The following ARSG variants were observed in gnomAD, a reference collection of about 807,000 sequenced individuals.
The protein encoded by ARSG is ASG.
A neutral mutation model predicts 50.5 loss-of-function variants in ARSG; 37 were observed. The ratio of observed to expected loss-of-function variants is 0.73; its 90% CI spans 0.56 to 0.96. The LOEUF (loss-of-function observed/expected upper bound fraction) is 0.96. Ranked by LOEUF, ARSG falls within the 50% of genes least tolerant of loss-of-function variation. ARSG has a pLI of 0.00. For synonymous variants in ARSG, 225 were observed against 254.6 expected (o/e 0.88, Z 1.11); for missense variants, 629 against 675.3 (o/e 0.93, Z 0.76).
intron 2 of ARSG, among the ~76,000 whole-genome samples, chr17:68,333,806 C>T (rs1201711834): frequency 1.3e-5 from 2 of 151,974 alleles, no homozygotes; most frequent in Non-Finnish European, 2.9e-5. Flanking sequence ...AAGTTGTGAG[C>T]AATAGCTAGA....
At chr17:68,389,145 G>T (rs1258798163) in intron 9 of ARSG, among the ~76,000 whole-genome samples, 2 of 152,136 alleles carry the variant, frequency 1.3e-5, no homozygotes, top group Non-Finnish European at 2.9e-5. Context: ...TACAGGCAGG[G>T]CCTAACCACA....
Position 68,356,841 on chromosome 17 carries a change from G to A in ARSG, c.704+37G>A, listed in dbSNP as rs544535136. On this transcript the variant is annotated intron_variant, in intron 6 of 11. Coordinates refer to ENST00000621439, the MANE Select transcript of ARSG (RefSeq NM_001267727.2). Reference sequence around the variant, plus strand: ...CCCTCCCTCCGCAGGGCCTCCCCCTGCCTCCACCTACCCGTGCACACACAC... The same window carrying A: ...CCCTCCCTCCGCAGGGCCTCCCCCTACCTCCACCTACCCGTGCACACACAC... 7 of 1,613,140 alleles carry A rather than the reference G, an allele frequency of 4.3e-6. No homozygotes were observed. The South Asian group carries it at 7.7e-5, about 18-fold the overall frequency.
At chr17:68,426,253 G>GGGGGGGGGGGGGGGGGT, downstream of ARSG, 2 of 841,018 alleles carry the variant, frequency 2.4e-6, no homozygotes, top group Non-Finnish European at 3.8e-6. Flanking sequence ...GGGGAGCGGG[G>GGGGGGGGGGGGGGGGGT]GCTCAAATAA....
downstream of ARSG, chr17:68,427,445 C>T (rs931496958): frequency 4.8e-6 from 2 of 413,210 alleles, no homozygotes; most frequent in East Asian, 4.9e-5. Context: ...CAACCTCCGC[C>T]TCCTGGGTTC....
At chr17:68,351,169 A>C (rs1194360738) in intron 4 of ARSG, among the ~76,000 whole-genome samples, 1 of 152,036 alleles carries the variant, frequency 6.6e-6, no homozygotes, top group African/African-American at 2.4e-5. Context: ...TCTTTCTAAA[A>C]AATTTTTTAT....
At chr17:68,311,383 TG>T (rs1555766651) in intron 2 of ARSG, among the ~76,000 whole-genome samples, 2 of 152,178 alleles carry the variant, frequency 1.3e-5, no homozygotes, top group Non-Finnish European at 2.9e-5. Context: ...TGATGGTCCT[TG>T]CTGCTTTCTG....
intron 1 of ARSG, among the ~76,000 whole-genome samples, chr17:68,284,924 C>T (rs2075807114): frequency 6.6e-6 from 1 of 152,070 alleles, no homozygotes; most frequent in Admixed American, 6.6e-5. Context: ...TTTGTACAAC[C>T]CCATGTCCCC....
At chr17:68,307,941 C>T (rs1439191707) in intron 2 of ARSG, among the ~76,000 whole-genome samples, 1 of 151,996 alleles carries the variant, frequency 6.6e-6, no homozygotes, top group Non-Finnish European at 1.5e-5. Flanking sequence ...GCTAGGAATA[C>T]AGAGGTGAAC....
At position 68,370,453 on chromosome 17, in the gene ARSG, G is replaced by GC. The variant is rs1157259307; in HGVS notation, c.914dup (p.Trp306ValfsTer6). ...TTTTTCTGGTTTCTAGGAGACAATG[G>GC]CCCGTGGGCTCAGAAGTGTGAGCTA... is the stretch of plus-strand genomic sequence containing the variant. On this transcript the variant is annotated frameshift_variant, in exon 8 of 12. Transcript: ENST00000621439. LOFTEE classifies it high-confidence loss of function. 3 of 1,614,068 alleles carry GC rather than the reference G, an allele frequency of 1.9e-6. No individual in the cohort carries two copies. Among genetic ancestry groups the GC allele is most frequent in the Non-Finnish European group, 2.5e-6 (3 of 1,179,968 alleles).
At chr17:68,364,512 A>G (rs2079448871) in intron 6 of ARSG, among the ~76,000 whole-genome samples, 1 of 152,056 alleles carries the variant, frequency 6.6e-6, no homozygotes, top group Non-Finnish European at 1.5e-5. Flanking sequence ...GGCACGCGTC[A>G]CCATGCCTGG....
chr17:68,294,133 T>G (rs2076122165), intron 1 of ARSG, among the ~76,000 whole-genome samples: 1 of 152,102 alleles, frequency 6.6e-6, no homozygotes, highest in Non-Finnish European at 1.5e-5. Flanking sequence ...TCTTAGCCTC[T>G]CCTGTTGTGT....
At chr17:68,444,624 G>T in the ARSG span, 10 of 1,569,706 alleles carry the variant, frequency 6.4e-6, no homozygotes, top group African/African-American at 1.2e-4. Flanking sequence ...CTACCGAACC[G>T]TTCCTTACAA....
Position 68,321,036 on chromosome 17 carries a change from G to A in ARSG, c.218+13325G>A, listed in dbSNP as rs1163665518. Among the ~76,000 whole-genome samples the A allele has an allele frequency of 2.6e-5, 4 of 152,214 alleles. No homozygotes were observed. In the East Asian group the frequency reaches 5.8e-4, roughly 22 times the overall value. ...AGAACAAGAGGCTGGATGTGGTGAC[G>A]TGCGGTGGCTACTTAGGAGGCCACC... is the stretch of plus-strand genomic sequence containing the variant. On this transcript the variant is annotated intron_variant, in intron 2 of 11. Coordinates refer to ENST00000621439, the MANE Select transcript of ARSG (RefSeq NM_001267727.2).
intron 2 of ARSG, among the ~76,000 whole-genome samples, chr17:68,327,815 G>A (rs1555772994): frequency 6.6e-6 from 1 of 152,148 alleles, no homozygotes. Context: ...TGGTGGCTGA[G>A]ACTTGGGGCT....
chr17:68,412,012 G>T lies in ARSG; in HGVS notation c.1304-8177G>T, dbSNP rs1319243467. ...ATCCTTTTATTTTGAGCCTATGTGT[G>T]TCTCTGCAGGTGAGATAGGTTTCCT... On this transcript the variant is annotated intron_variant, in intron 11 of 11. Transcript: ENST00000621439. 2.0e-4 allele frequency among the ~76,000 whole-genome samples: 30 copies of T among 152,110 alleles called. 1 individual carries two copies. Among genetic ancestry groups the T allele is most frequent in the Non-Finnish European group, 1.9e-4 (13 of 68,028 alleles).
rs914658206 is a variant in ARSG, at chr17:68,378,289, G to C, written c.983-6775G>C. ...CGGAGTAGGACAAACAGTACCCGGAGTCGTGCAACTTTCTCCCTGAAGCCA... is the reference window on the plus strand; with the variant it reads ...CGGAGTAGGACAAACAGTACCCGGACTCGTGCAACTTTCTCCCTGAAGCCA... On this transcript the variant is annotated intron_variant, in intron 8 of 11. Transcript: ENST00000621439. This position sits in a 1 kb window ranked among gnomAD's most constrained non-coding sequence, Gnocchi z 4.4. 2.6e-5 allele frequency among the ~76,000 whole-genome samples: 4 copies of C among 152,246 alleles called. No homozygotes were observed. Among genetic ancestry groups the C allele is most frequent in the Non-Finnish European group, 5.9e-5 (4 of 68,042 alleles).
chr17:68,353,119 C>T (rs2078876979), intron 5 of ARSG, among the ~76,000 whole-genome samples: 1 of 151,950 alleles, frequency 6.6e-6, no homozygotes, highest in Non-Finnish European at 1.5e-5. Flanking sequence ...ATCCACGTGA[C>T]CACTGTGTGA....
chr17:68,287,945 C>T (rs1737188834), upstream of ARSG, among the ~76,000 whole-genome samples: 1 of 148,524 alleles, frequency 6.7e-6, no homozygotes, highest in Non-Finnish European at 1.5e-5. Context: ...CTTCTCTTCT[C>T]TCTCTCTTTC....
chr17:68,433,345 T>G, the ARSG span: 1 of 926,668 alleles, frequency 1.1e-6, no homozygotes, highest in Non-Finnish European at 1.7e-6. Flanking sequence ...ATCACTTAGG[T>G]GAAGTCCCAA....
Sources: allele counts gnomAD v4.1 joint callset (sites outside exome capture counted in the v4.1 genomes callset), GRCh38; gene constraint gnomAD v4.1.1; non-coding constraint Gnocchi (gnomAD v3.1); transcripts MANE v1.5; gene names NCBI Gene and HGNC (gene_info 2026-07-23, HGNC 2026-07-21).